Variants in DMXL2 observed in about 807,000 individuals in gnomAD.
DMXL2 encodes the protein Dmx like 2, also known as dmX-like protein 2.
Under a neutral mutation model 331.1 loss-of-function variants are expected in DMXL2, and 103 were observed. That is an observed-to-expected ratio of 0.31 (90% CI 0.27 to 0.37). The LOEUF is 0.37. Ranked by LOEUF, DMXL2 falls within the 10% of genes least tolerant of loss-of-function variation. The probability of loss-of-function intolerance (pLI) is 1.00; values close to 1 mark genes in which losing one functional copy is unlikely to be tolerated. For missense variants in DMXL2, 3,171 were observed against 3,642.9 expected, an observed-to-expected ratio of 0.87 and a Z score of 3.33; for synonymous variants, 1,281 against 1,252.1, an observed-to-expected ratio of 1.02 and a Z score of -0.49.
chr15:51,532,351 T>C lies in DMXL2; in HGVS notation c.2436+3312A>G, dbSNP rs1338422179. Reference sequence around the variant, plus strand: ...ATCAAAACAACTGGACCCATAGAGATAGAGTAGAAGGGTGATTACCAGAGG... The same window carrying C: ...ATCAAAACAACTGGACCCATAGAGACAGAGTAGAAGGGTGATTACCAGAGG... On this transcript the variant is annotated intron_variant, in intron 13 of 43. Coordinates refer to ENST00000560891, the MANE Select transcript of DMXL2 (RefSeq NM_001378457.1). 3.9e-5 allele frequency among the ~76,000 whole-genome samples: 6 copies of C among 151,982 alleles called. No individual in the cohort carries two copies. In the East Asian group the frequency reaches 7.7e-4, roughly 20 times the overall value.
chr15:51,463,634 A>C, intron 32 of DMXL2, 138 bp from the exon 33 acceptor site: 1 of 551,574 alleles, frequency 1.8e-6, no homozygotes, highest in African/African-American at 2.0e-5. Context: ...TATTGCAAAG[A>C]AGACACAGCA....
chr15:51,540,385 T>C (rs748017276), intron 9 of DMXL2, among the ~76,000 whole-genome samples: 19 of 152,208 alleles, frequency 1.2e-4, no homozygotes, highest in Non-Finnish European at 2.8e-4. Context: ...TACTAAAAGA[T>C]ACATTCTTAA....
intron 1 of DMXL2, among the ~76,000 whole-genome samples, chr15:51,591,383 G>C (rs996414758): frequency 1.3e-5 from 2 of 152,192 alleles, no homozygotes; most frequent in African/African-American, 4.8e-5. Flanking sequence ...TGCGGCTGGG[G>C]GAGGGGCGCC....
At chr15:51,572,487 G>T (rs1316457022) in intron 2 of DMXL2, among the ~76,000 whole-genome samples, 1 of 152,008 alleles carries the variant, frequency 6.6e-6, no homozygotes, top group Non-Finnish European at 1.5e-5. Flanking sequence ...AACCAAAAAA[G>T]AAAATTTTAC....
intron 40 of DMXL2, chr15:51,454,014 T>TA: frequency 5.5e-6 from 1 of 182,698 alleles, no homozygotes; most frequent in Non-Finnish European, 1.1e-5. Flanking sequence ...CAGACCCAAC[T>TA]AGTCTTAGGA....
In DMXL2 at chr15:51,536,105, G is replaced by A. The variant is rs565592450; in HGVS notation, c.2314+61C>T. On this transcript the variant is annotated intron_variant, in intron 12 of 43. Transcript: ENST00000560891. Reference sequence around the variant, plus strand: ...AATGACAACAAATATAAACCATTTCGTATATAACAAATAATAGTTTAAAAG... The same window carrying A: ...AATGACAACAAATATAAACCATTTCATATATAACAAATAATAGTTTAAAAG... 844 of 1,355,532 alleles carry A rather than the reference G, an allele frequency of 6.2e-4. 6 individuals carry two copies. The highest frequency in any genetic ancestry group is 1.6e-3 in the South Asian group (107 of 65,652). 84.0% of individuals were successfully genotyped at this position (1,355,532 alleles called of 1,614,324 possible).
intron 6 of DMXL2, among the ~76,000 whole-genome samples, chr15:51,547,826 G>A (rs191927828): frequency 2.6e-5 from 4 of 152,138 alleles, no homozygotes; most frequent in African/African-American, 7.2e-5. Flanking sequence ...TTCACCTCAC[G>A]AACATGAATT....
chr15:51,453,528 C>A, intron 41 of DMXL2, 22 bp downstream of exon 41: 1 of 1,553,356 alleles, frequency 6.4e-7, no homozygotes, highest in Non-Finnish European at 8.8e-7. Flanking sequence ...ATATTTCTTA[C>A]TTTGCTTTTC....
At chr15:51,514,900 G>A (rs1283851841) in intron 14 of DMXL2, among the ~76,000 whole-genome samples, 1 of 151,284 alleles carries the variant, frequency 6.6e-6, no homozygotes, top group Non-Finnish European at 1.5e-5. Context: ...TCACCACTTT[G>A]AGCCTGAAAG....
intron 41 of DMXL2, among the ~76,000 whole-genome samples, 173 bp from the exon 42 acceptor site, chr15:51,451,870 C>T (rs1221284026): frequency 6.6e-6 from 1 of 152,172 alleles, no homozygotes; most frequent in Admixed American, 6.5e-5. Flanking sequence ...GGTCAAACTA[C>T]ACAGTTCCAT....
Position 51,469,384 on chromosome 15 carries a change from G to A in DMXL2, c.7392+1839C>T, listed in dbSNP as rs146418246. Among the ~76,000 whole-genome samples the A allele has an allele frequency of 1.3e-4, 20 of 152,050 alleles. No homozygotes were observed. In the East Asian group the frequency reaches 3.9e-3, roughly 29 times the overall value. On this transcript the variant is annotated intron_variant, in intron 29 of 43. Coordinates refer to ENST00000560891, the MANE Select transcript of DMXL2 (RefSeq NM_001378457.1). ...ATTATCTCTCCTTTTGTGTATGTTG[G>A]AAGTTTTCTACACTGAAGTTTTTAA...
At chr15:51,540,569 A>G (rs1472262589) in intron 9 of DMXL2, among the ~76,000 whole-genome samples, 1 of 152,122 alleles carries the variant, frequency 6.6e-6, no homozygotes, top group Non-Finnish European at 1.5e-5. Context: ...AATATGTGGT[A>G]AATCTCGGTA....
chr15:51,496,226 G>A (rs2043168225), intron 18 of DMXL2, among the ~76,000 whole-genome samples: 1 of 152,052 alleles, frequency 6.6e-6, no homozygotes. Flanking sequence ...AGTGAATAAG[G>A]CAAAGTCCCT....
intron 6 of DMXL2, among the ~76,000 whole-genome samples, chr15:51,551,946 T>A (rs1171733762): frequency 1.3e-5 from 2 of 152,122 alleles, no homozygotes; most frequent in Non-Finnish European, 2.9e-5. Flanking sequence ...GCCTGGGAGA[T>A]CAGAGGATTT....
At chr15:51,465,127 G>A (rs1166535235) in intron 31 of DMXL2, among the ~76,000 whole-genome samples, 2 of 152,162 alleles carry the variant, frequency 1.3e-5, no homozygotes, top group Non-Finnish European at 2.9e-5. Flanking sequence ...CAGGTGTGGT[G>A]GCTCACACTT....
At chr15:51,604,059 T>C (rs930588781) in intron 1 of DMXL2, among the ~76,000 whole-genome samples, 1 of 151,906 alleles carries the variant, frequency 6.6e-6, no homozygotes, top group African/African-American at 2.4e-5. Flanking sequence ...TAATATACCA[T>C]AACGAAGTGG....
At chr15:51,599,501 G>C (rs4775960) in intron 1 of DMXL2, among the ~76,000 whole-genome samples, 72,665 of 151,970 alleles carry the variant, frequency 0.48, 17,739 homozygotes, top group Non-Finnish European at 0.52. Flanking sequence ...ACAAACATCC[G>C]TATCATATCT....
chr15:51,572,001 G>T (rs904137701), intron 2 of DMXL2, among the ~76,000 whole-genome samples: 1 of 151,998 alleles, frequency 6.6e-6, no homozygotes, highest in East Asian at 1.9e-4. Flanking sequence ...TCCAGGAACT[G>T]GTTTTTTGAA....
chr15:51,451,663 C>T lies in DMXL2; in HGVS notation c.8731G>A (p.Gly2911Arg), dbSNP rs1382762007. The T allele has an allele frequency of 2.5e-6, 4 of 1,612,100 alleles. No individual in the cohort carries two copies. The highest frequency in any genetic ancestry group is 1.3e-5 in the African/African-American group (1 of 74,824). The change falls in exon 42 of 44, where the codon GGA (glycine) becomes AGA (arginine). Residue 2911 changes from glycine (G) to arginine (R), a missense_variant. Gly to Arg is a moderately radical substitution (Grantham distance 125, BLOSUM62 -2). This residue lies in a region of DMXL2 where 766 missense variants were observed against 940.5 expected (regional missense o/e 0.81). Transcript: ENST00000560891. ...VCLWDTLISP[G>R]NSLIHGFTCH... Reference sequence around the variant, plus strand: ...AACTCACCATGAATGAGGCTGTTTCCGGGTGATATTAATGTGTCCCAGAGG... The same window carrying T: ...AACTCACCATGAATGAGGCTGTTTCTGGGTGATATTAATGTGTCCCAGAGG...
Sources: gnomAD v4.1 joint callset for allele counts (sites outside exome capture counted in the v4.1 genomes callset) on GRCh38, gnomAD v4.1.1 for gene constraint, gnomAD v4.1.1 regional missense constraint, MANE v1.5 for transcripts, NCBI Gene and HGNC (gene_info 2026-07-23, HGNC 2026-07-21) for gene names.